THSD7B: variants seen among roughly 807,000 people sequenced by gnomAD.
THSD7B encodes thrombospondin type 1 domain containing 7B.
Under a neutral mutation model 213.6 loss-of-function variants are expected in THSD7B, and 138 were observed. The observed-to-expected ratio is 0.65, with a 90% CI of 0.56 to 0.74. The LOEUF is 0.74. Among genes scored for constraint, THSD7B ranks in the 30% least tolerant of loss-of-function variants. The probability of loss-of-function intolerance (pLI) is 0.00; values close to 1 mark genes in which losing one functional copy is unlikely to be tolerated. For synonymous variants in THSD7B, 742 were observed against 687.0 expected, an observed-to-expected ratio of 1.08 and a Z score of -1.25; for missense variants, 1,931 against 1,991.5, an observed-to-expected ratio of 0.97 and a Z score of 0.58.
At chr2:137,067,767 T>C (rs1315021105) in intron 3 of THSD7B, among the ~76,000 whole-genome samples, 1 of 152,036 alleles carries the variant, frequency 6.6e-6, no homozygotes, top group Non-Finnish European at 1.5e-5. Context: ...TAAGATAGTT[T>C]CCTGTGAGGG....
intron 19 of THSD7B, among the ~76,000 whole-genome samples, chr2:137,620,363 C>T (rs1304298860): frequency 6.6e-6 from 1 of 152,126 alleles, no homozygotes; most frequent in East Asian, 1.9e-4. Context: ...CCTCTGCTTT[C>T]CTGGCAGCCT....
intron 1 of THSD7B, among the ~76,000 whole-genome samples, chr2:136,778,963 G>A (rs1021477995): frequency 6.6e-6 from 1 of 152,094 alleles, no homozygotes; most frequent in Non-Finnish European, 1.5e-5. Context: ...AGAGACTCAG[G>A]CCATCAAAAT....
rs969623183 is a variant in THSD7B at position 137,059,461 on chromosome 2, A to G, written c.950+2231A>G. On this transcript the variant is annotated intron_variant, in intron 3 of 27. Coordinates refer to ENST00000409968, the MANE Select transcript of THSD7B (RefSeq NM_001316349.2). Reference sequence around the variant, plus strand: ...GTTTGACAAATGAATAATGACATGGATCCACAATTACGGTATCATACAGAG... The same window carrying G: ...GTTTGACAAATGAATAATGACATGGGTCCACAATTACGGTATCATACAGAG... Among the ~76,000 whole-genome samples the G allele has an allele frequency of 2.6e-5, 4 of 152,244 alleles. No homozygotes were observed. The East Asian group carries it at 7.7e-4, about 29-fold the overall frequency.
chr2:137,571,101 A>C (rs933462219), intron 16 of THSD7B, among the ~76,000 whole-genome samples: 3 of 152,200 alleles, frequency 2.0e-5, no homozygotes, highest in African/African-American at 7.2e-5. Flanking sequence ...TATCAAGACT[A>C]CCTAAGTCCC....
intron 2 of THSD7B, among the ~76,000 whole-genome samples, chr2:137,002,048 C>T (rs1356646377): frequency 6.6e-6 from 1 of 152,080 alleles, no homozygotes; most frequent in Non-Finnish European, 1.5e-5. Context: ...TGACTGAGTC[C>T]ATATTCCAGC....
rs1429631125 is a variant in THSD7B, at chr2:137,525,735, A to G, written c.3139-37486A>G. 2.6e-5 allele frequency among the ~76,000 whole-genome samples: 4 copies of G among 152,202 alleles called. No individual in the cohort carries two copies. In the East Asian group the frequency reaches 7.7e-4, roughly 29 times the overall value. On this transcript the variant is annotated intron_variant, in intron 15 of 27. Transcript: ENST00000409968. The stretch of plus-strand genomic sequence containing the variant: ...AGAAAGTGTAGCAATGAATGAGAAG[A>G]AAGCTGGAGATCAAAGAGCTGCTGG...
chr2:137,241,026 T>C (rs1681886996), intron 9 of THSD7B, among the ~76,000 whole-genome samples: 1 of 152,226 alleles, frequency 6.6e-6, no homozygotes. Context: ...ACTGGTGTTT[T>C]TTCAATCATA....
intron 20 of THSD7B, 119 bp from the exon 21 acceptor site, chr2:137,642,369 A>T (rs1219159833): frequency 2.4e-6 from 3 of 1,243,364 alleles, no homozygotes; most frequent in Admixed American, 2.4e-5. Flanking sequence ...TAAAAGTGAG[A>T]TAGGACAGAG....
rs193080317 is a variant in THSD7B at position 137,048,317 on chromosome 2, A to C, written c.140-8103A>C. ...ATTATTTTACAGACCAGAGTCTCAC[A>C]GTCTTAAAATTGCAGTTTCAAAACA... On this transcript the variant is annotated intron_variant, in intron 2 of 27. Transcript: ENST00000409968. Among the ~76,000 whole-genome samples the C allele has an allele frequency of 6.6e-5, 10 of 152,290 alleles. No individual in the cohort carries two copies. The East Asian group carries it at 1.7e-3, about 26-fold the overall frequency.
chr2:136,937,457 T>C (rs1684755264), intron 2 of THSD7B, among the ~76,000 whole-genome samples: 1 of 152,098 alleles, frequency 6.6e-6, no homozygotes, highest in Non-Finnish European at 1.5e-5. Context: ...ATTGTCCGAG[T>C]TGGCAGGCGT....
chr2:137,059,973 C>A (rs1687241704), intron 3 of THSD7B, among the ~76,000 whole-genome samples: 1 of 152,098 alleles, frequency 6.6e-6, no homozygotes. Context: ...AATGGCTGTG[C>A]CACTTTGCAA....
chr2:136,887,887 A>G (rs1683747076), intron 2 of THSD7B, among the ~76,000 whole-genome samples: 1 of 152,158 alleles, frequency 6.6e-6, no homozygotes, highest in South Asian at 2.1e-4. Context: ...TCTCTGAGCC[A>G]TATTTATCCA....
At chr2:137,605,651 T>C (rs1478275390) in intron 17 of THSD7B, among the ~76,000 whole-genome samples, 1 of 42,378 alleles carries the variant, frequency 2.4e-5, no homozygotes, top group East Asian at 4.5e-4. Flanking sequence ...CTTCGCACTT[T>C]TTTTTTTTTT....
intron 12 of THSD7B, among the ~76,000 whole-genome samples, chr2:137,313,097 G>T (rs953199642): frequency 6.6e-6 from 1 of 151,914 alleles, no homozygotes; most frequent in Non-Finnish European, 1.5e-5. Context: ...GTCTAATGTT[G>T]ACAGTGGGGT....
chr2:137,077,332 T>G (rs554800684), intron 3 of THSD7B, among the ~76,000 whole-genome samples: 1 of 152,318 alleles, frequency 6.6e-6, no homozygotes, highest in East Asian at 1.9e-4. Context: ...ATCCTTTGGA[T>G]ATATACCCAG....
chr2:137,486,101 A>C (rs543304973), intron 15 of THSD7B, among the ~76,000 whole-genome samples: 46 of 152,270 alleles, frequency 3.0e-4, no homozygotes, highest in Non-Finnish European at 5.1e-4. Flanking sequence ...CAAGCAAAAT[A>C]ACCAGCTAAC....
At chr2:137,018,681 G>A (rs1479171900) in intron 2 of THSD7B, among the ~76,000 whole-genome samples, 2 of 152,146 alleles carry the variant, frequency 1.3e-5, no homozygotes, top group South Asian at 2.1e-4. Flanking sequence ...ATTGTAGTAA[G>A]CTCAAACATG....
intron 1 of THSD7B, among the ~76,000 whole-genome samples, chr2:136,781,863 A>T (rs911164852): frequency 2.0e-5 from 3 of 152,158 alleles, no homozygotes; most frequent in African/African-American, 7.2e-5. Context: ...TGGAGAAATA[A>T]CACCATTACC....
intron 1 of THSD7B, among the ~76,000 whole-genome samples, chr2:136,789,446 A>G (rs1427600): frequency 0.14 from 21,680 of 152,092 alleles, 2,031 homozygotes; most frequent in African/African-American, 0.25. Flanking sequence ...GGTAATTGGC[A>G]TATCTACCAC....
Sources: gnomAD v4.1 joint callset for allele counts (sites outside exome capture counted in the v4.1 genomes callset) on GRCh38, gnomAD v4.1.1 for gene constraint, MANE v1.5 for transcripts, NCBI Gene and HGNC (gene_info 2026-07-23, HGNC 2026-07-21) for gene names.